The following TOX variants were observed in gnomAD, a reference collection of about 807,000 sequenced individuals.
TOX encodes thymocyte selection associated high mobility group box, also known as thymocyte selection-associated high mobility group box protein TOX.
TOX carries 11 observed loss-of-function variants against 53.7 expected under a neutral mutation model. That is an observed-to-expected ratio of 0.20 (90% CI 0.13 to 0.34). The LOEUF is 0.34. Among genes scored for constraint, TOX ranks in the 10% least tolerant of loss-of-function variants. The probability of loss-of-function intolerance (pLI) is 1.00; values close to 1 mark genes in which losing one functional copy is unlikely to be tolerated. For synonymous variants in TOX, 225 were observed against 245.3 expected (o/e 0.92, Z 0.77); for missense variants, 570 against 664.6 (o/e 0.86, Z 1.56).
intron 1 of TOX, among the ~76,000 whole-genome samples, chr8:58,997,028 G>C (rs1048076414): frequency 4.6e-5 from 7 of 152,152 alleles, no homozygotes; most frequent in Non-Finnish European, 7.4e-5. Context: ...ACACTCACAT[G>C]TTCAAACTAG....
chr8:58,883,022 G>A (rs530499533), intron 3 of TOX, among the ~76,000 whole-genome samples: 2 of 152,202 alleles, frequency 1.3e-5, no homozygotes, highest in Non-Finnish European at 2.9e-5. Context: ...ACACACACAC[G>A]TACACGACCC....
intron 3 of TOX, among the ~76,000 whole-genome samples, chr8:58,863,324 AT>A (rs1811041553): frequency 6.6e-6 from 1 of 152,124 alleles, no homozygotes; most frequent in Non-Finnish European, 1.5e-5. Flanking sequence ...GGTAATTGTG[AT>A]TTTAAGTTCT....
At chr8:59,093,625 T>C (rs1039890169) in intron 1 of TOX, among the ~76,000 whole-genome samples, 5 of 152,354 alleles carry the variant, frequency 3.3e-5, no homozygotes, top group South Asian at 2.1e-4. Context: ...CCTGAAGTCC[T>C]TTCTTTCTCC....
chr8:58,968,720 A>C (rs1227966173), intron 1 of TOX, among the ~76,000 whole-genome samples: 1 of 152,228 alleles, frequency 6.6e-6, no homozygotes, highest in Non-Finnish European at 1.5e-5. Context: ...TGCATAGAGA[A>C]AAAAGTAAGA....
At chr8:58,952,659 T>C (rs55746401) in intron 2 of TOX, among the ~76,000 whole-genome samples, 47,742 of 151,984 alleles carry the variant, frequency 0.31, 7,711 homozygotes, top group East Asian at 0.4. Context: ...CCATATGGAG[T>C]GCAAGGTTTT....
Position 58,937,132 on chromosome 8 carries a change from G to A in TOX, c.411+2170C>T, listed in dbSNP as rs150506530. Among the ~76,000 whole-genome samples the A allele has an allele frequency of 2.2e-3, 339 of 152,294 alleles. 2 individuals are homozygous for A. Among genetic ancestry groups the A allele is most frequent in the African/African-American group, 7.7e-3 (321 of 41,564 alleles). Reference sequence around the variant, plus strand: ...AGTGCTGTGAGGAGGCACAGGAGACGTGCAGCTCCAGAATGTAGCTTGAGG... The same window carrying A: ...AGTGCTGTGAGGAGGCACAGGAGACATGCAGCTCCAGAATGTAGCTTGAGG... On this transcript the variant is annotated intron_variant, in intron 3 of 8. Coordinates refer to ENST00000361421, the MANE Select transcript of TOX (RefSeq NM_014729.3).
intron 1 of TOX, among the ~76,000 whole-genome samples, chr8:59,066,147 G>C (rs557463675): frequency 9.2e-5 from 14 of 152,294 alleles, no homozygotes; most frequent in African/African-American, 3.1e-4. Context: ...GCTGAATGCT[G>C]GTCTTGTGAA....
intron 1 of TOX, among the ~76,000 whole-genome samples, chr8:59,014,639 T>A (rs1048253668): frequency 7.6e-4 from 116 of 152,326 alleles, no homozygotes; most frequent in African/African-American, 2.7e-3. Context: ...CTTAAATATC[T>A]TTGTTGCAAG....
At chr8:58,924,334 C>T (rs969265460) in intron 3 of TOX, among the ~76,000 whole-genome samples, 1 of 152,222 alleles carries the variant, frequency 6.6e-6, no homozygotes, top group Non-Finnish European at 1.5e-5. Flanking sequence ...TCCCCTCTCT[C>T]CATACATACT....
At chr8:58,837,272 A>T (rs531881697) in intron 5 of TOX, among the ~76,000 whole-genome samples, 1 of 152,340 alleles carries the variant, frequency 6.6e-6, no homozygotes, top group South Asian at 2.1e-4. Flanking sequence ...AGTTATTTCA[A>T]TCACTTATTT....
At chr8:58,973,629 T>G (rs1026558744) in intron 1 of TOX, among the ~76,000 whole-genome samples, 1 of 146,006 alleles carries the variant, frequency 6.8e-6, no homozygotes, top group Non-Finnish European at 1.6e-5. Flanking sequence ...ATAGTATAAG[T>G]AATTCCATTA....
chr8:59,079,437 G>A (rs1049786363), intron 1 of TOX, among the ~76,000 whole-genome samples: 8 of 152,116 alleles, frequency 5.3e-5, no homozygotes, highest in African/African-American at 4.8e-5. Flanking sequence ...GGCCTTTAAC[G>A]CCTTGGGACA....
chr8:59,017,257 A>C (rs1408551039), intron 1 of TOX, among the ~76,000 whole-genome samples: 1 of 152,218 alleles, frequency 6.6e-6, no homozygotes, highest in Non-Finnish European at 1.5e-5. Flanking sequence ...TATTGTTTAA[A>C]CATTCTATAT....
rs1449684357 is a variant in TOX at position 58,851,226 on chromosome 8, C to T, written c.693+298G>A. Among the ~76,000 whole-genome samples, 1 of 149,650 alleles carries T rather than the reference C, an allele frequency of 6.7e-6. No homozygotes were observed. Among genetic ancestry groups the T allele is most frequent in the African/African-American group, 2.5e-5 (1 of 40,740 alleles). On this transcript the variant is annotated intron_variant, in intron 4 of 8. Transcript: ENST00000361421. This position sits in a 1 kb window ranked among gnomAD's most constrained non-coding sequence, Gnocchi z 4.4. ...ACACACACACACGACCTTCATTGTACCCCAGTATACTGCCTTCTTAAAATG... is the reference window on the plus strand; with the variant it reads ...ACACACACACACGACCTTCATTGTATCCCAGTATACTGCCTTCTTAAAATG...
intron 1 of TOX, among the ~76,000 whole-genome samples, chr8:59,007,873 C>T (rs1813820981): frequency 6.6e-6 from 1 of 152,120 alleles, no homozygotes; most frequent in Non-Finnish European, 1.5e-5. Context: ...GTCTAAGAGC[C>T]AGAAGGTAAC....
chr8:59,017,903 C>T (rs1013527687), intron 1 of TOX, among the ~76,000 whole-genome samples: 3 of 152,076 alleles, frequency 2.0e-5, no homozygotes, highest in African/African-American at 4.8e-5. Context: ...AGTTGGTTTC[C>T]GTCTCCCTCA....
At chr8:59,016,522 T>C (rs1390261300) in intron 1 of TOX, among the ~76,000 whole-genome samples, 3 of 152,196 alleles carry the variant, frequency 2.0e-5, no homozygotes, top group Non-Finnish European at 4.4e-5. Flanking sequence ...CAGTAAATGA[T>C]TCTATAAGCA....
At position 58,843,896 on chromosome 8, in the gene TOX, C is replaced by T. The variant is rs574676469; in HGVS notation, c.694-5585G>A. On this transcript the variant is annotated intron_variant, in intron 4 of 8. Transcript: ENST00000361421. ...AGCCTCCTTGAAGACAGAAATGCTGCTGTAATTTGGATCCATTTTCATGTC... is the reference window on the plus strand; with the variant it reads ...AGCCTCCTTGAAGACAGAAATGCTGTTGTAATTTGGATCCATTTTCATGTC... Among the ~76,000 whole-genome samples the T allele has an allele frequency of 4.6e-5, 7 of 152,228 alleles. No individual in the cohort carries two copies. The East Asian group carries it at 5.8e-4, about 13-fold the overall frequency.
At chr8:59,016,932 C>T (rs983140723) in intron 1 of TOX, among the ~76,000 whole-genome samples, 5 of 152,196 alleles carry the variant, frequency 3.3e-5, no homozygotes, top group African/African-American at 1.2e-4. Flanking sequence ...TCTGGGTCAG[C>T]CTCCCAATCC....
Sources: gnomAD v4.1 joint callset for allele counts (sites outside exome capture counted in the v4.1 genomes callset) on GRCh38, gnomAD v4.1.1 for gene constraint, Gnocchi (gnomAD v3.1) non-coding constraint, MANE v1.5 for transcripts, NCBI Gene and HGNC (gene_info 2026-07-23, HGNC 2026-07-21) for gene names.